The following ZFR2 variants were observed in gnomAD, a reference collection of about 807,000 sequenced individuals.
The protein encoded by ZFR2 is zinc finger RNA-binding protein 2.
A neutral mutation model predicts 105.7 loss-of-function variants in ZFR2; 104 were observed. The observed-to-expected ratio is 0.98, with a 90% CI of 0.84 to 1.16. The LOEUF (loss-of-function observed/expected upper bound fraction) is 1.16, where lower values mean the gene tolerates loss of function less well. Ranked by LOEUF, ZFR2 falls within the 50% of genes most tolerant of loss-of-function variation. The pLI, the probability that ZFR2 is intolerant of heterozygous loss-of-function variation, is 0.00. For missense variants in ZFR2, 1,425 were observed against 1,355.5 expected (o/e 1.05, Z -0.80); for synonymous variants, 634 against 597.7 (o/e 1.06, Z -0.89).
intron 1 of ZFR2, among the ~76,000 whole-genome samples, chr19:3,846,999 C>A (rs904802531): frequency 1.3e-5 from 2 of 152,234 alleles, no homozygotes; most frequent in African/African-American, 2.4e-5. Context: ...CAGCGGCGGG[C>A]AGCAGGATCT....
intron 1 of ZFR2, among the ~76,000 whole-genome samples, chr19:3,848,388 G>A (rs1387280823): frequency 6.6e-6 from 1 of 151,896 alleles, no homozygotes; most frequent in Non-Finnish European, 1.5e-5. Context: ...CTCCAGGCTG[G>A]GCAATAAGAG....
At chr19:3,845,500 A>C (rs1405039876) in intron 1 of ZFR2, among the ~76,000 whole-genome samples, 3 of 150,780 alleles carry the variant, frequency 2.0e-5, no homozygotes, top group African/African-American at 7.3e-5. Flanking sequence ...AAAAAGGTAA[A>C]ACTGCAACAT....
intron 3 of ZFR2, among the ~76,000 whole-genome samples, chr19:3,832,802 A>AT (rs2038033349): frequency 1.3e-5 from 2 of 151,042 alleles, no homozygotes; most frequent in South Asian, 2.1e-4. Context: ...TGCCTGGCTA[A>AT]TTTTTTTGCA....
chr19:3,849,734 C>T (rs2038216907), intron 1 of ZFR2, among the ~76,000 whole-genome samples: 1 of 152,200 alleles, frequency 6.6e-6, no homozygotes. Flanking sequence ...TGAGTCAGCA[C>T]CATGAAGACA....
chr19:3,825,482 GC>G, intron 6 of ZFR2, 75 bp from the exon 7 acceptor site: 1 of 1,502,072 alleles, frequency 6.7e-7, no homozygotes. Flanking sequence ...GGCAGGAAGG[GC>G]CTCCACGGGC....
intron 1 of ZFR2, chr19:3,852,258 T>G: frequency 2.9e-5 from 16 of 555,208 alleles, no homozygotes; most frequent in East Asian, 6.2e-5. Context: ...CCTGGCCAGA[T>G]GGGGCTCAGC....
intron 6 of ZFR2, 149 bp downstream of exon 6, chr19:3,827,322 G>A: frequency 1.2e-6 from 1 of 838,410 alleles, no homozygotes. Context: ...GGACGCATGG[G>A]CCTGGGCGGC....
intron 1 of ZFR2, among the ~76,000 whole-genome samples, chr19:3,835,430 A>G (rs1300250897): frequency 6.6e-6 from 1 of 151,168 alleles, no homozygotes; most frequent in Admixed American, 6.6e-5. Flanking sequence ...GGTTCAAGCA[A>G]TTCTCCTGCC....
intron 1 of ZFR2, among the ~76,000 whole-genome samples, chr19:3,837,661 G>T (rs929675142): frequency 6.6e-6 from 1 of 151,912 alleles, no homozygotes; most frequent in Non-Finnish European, 1.5e-5. Flanking sequence ...TGAACACCAT[G>T]ACCGTGACAC....
intron 6 of ZFR2, 54 bp from the exon 7 acceptor site, chr19:3,825,461 CT>C: frequency 2.6e-6 from 4 of 1,516,640 alleles, no homozygotes; most frequent in South Asian, 2.5e-5. Context: ...GCCTGATGGC[CT>C]TTTTCAAGAG....
At chr19:3,852,249 CTGG>C (rs2038246765) in intron 1 of ZFR2, 8 of 573,924 alleles carry the variant, frequency 1.4e-5, no homozygotes, top group Non-Finnish European at 2.2e-5. Context: ...GATGGCTCTC[CTGG>C]CCAGATGGGG....
Position 3,816,688 on chromosome 19 carries a change from G to A in ZFR2, c.2089C>T (p.Pro697Ser). 6.2e-7 allele frequency: 1 copy of A among 1,608,818 alleles called. No homozygotes were observed. Among genetic ancestry groups the A allele is most frequent in the South Asian group, 1.1e-5 (1 of 90,948 alleles). The change falls in exon 13 of 19, where the codon CCC becomes TCC. Residue 697 changes from proline (P) to serine (S), a missense_variant. Coordinates refer to ENST00000262961, the MANE Select transcript of ZFR2 (RefSeq NM_015174.2). ...SLLRRIAQQLPRQLQMVTEDE... is the reference protein window; with the variant it reads ...SLLRRIAQQLSRQLQMVTEDE... ...CCTGACCTTACCTGGAGCTGCCGGG[G>A]CAGCTGCTGGGCGATCCTCCGCAGC...
At chr19:3,814,028 G>T in intron 13 of ZFR2, 70 bp from the exon 14 acceptor site, 1 of 1,585,816 alleles carries the variant, frequency 6.3e-7, no homozygotes. Context: ...CAGCCAGGAT[G>T]TGGTTGGTGT....
intron 1 of ZFR2, among the ~76,000 whole-genome samples, chr19:3,840,958 C>T (rs931268929): frequency 1.3e-5 from 2 of 152,292 alleles, no homozygotes; most frequent in Non-Finnish European, 1.5e-5. Flanking sequence ...ATCTAGGTCA[C>T]GCCGGTCACT....
In ZFR2 at chr19:3,820,173, T is replaced by C; in HGVS notation, c.1740+9A>G. The C allele has an allele frequency of 6.4e-7, 1 of 1,551,358 alleles. No individual in the cohort carries two copies. Among genetic ancestry groups the C allele is most frequent in the South Asian group, 1.2e-5 (1 of 84,098 alleles). ...GCCCGCGTTTGCACACAGAGGAAACTGTACCTACCTGGAGTGGGGCGCTGG... is the reference window on the plus strand; with the variant it reads ...GCCCGCGTTTGCACACAGAGGAAACCGTACCTACCTGGAGTGGGGCGCTGG... On this transcript the variant is annotated intron_variant, in intron 11 of 18. Transcript: ENST00000262961.
At chr19:3,808,711 C>T (rs2037729685) in intron 17 of ZFR2, among the ~76,000 whole-genome samples, 161 bp downstream of exon 17, 1 of 152,250 alleles carries the variant, frequency 6.6e-6, no homozygotes, top group Non-Finnish European at 1.5e-5. Flanking sequence ...GCGGCCCTGT[C>T]TGCCTTCCTG....
At chr19:3,865,670 TTA>T (rs2038419718) in intron 1 of ZFR2, among the ~76,000 whole-genome samples, 1 of 152,138 alleles carries the variant, frequency 6.6e-6, no homozygotes, top group African/African-American at 2.4e-5. Context: ...GTTATCAATT[TTA>T]TAAGCTAAGA....
chr19:3,867,307 G>GGGC (rs947847380), intron 1 of ZFR2, among the ~76,000 whole-genome samples: 4 of 151,616 alleles, frequency 2.6e-5, no homozygotes, highest in Non-Finnish European at 5.9e-5. Context: ...CAACTGTTGG[G>GGGC]GGGGGAATCT....
rs775096921 is a variant in ZFR2 at position 3,831,307 on chromosome 19, G to A, written c.848C>T (p.Pro283Leu). Residue 283 changes from proline to leucine, a missense_variant, in exon 5 of 19, where the codon CCC becomes CTC. Physicochemically the swap from Pro to Leu is moderately conservative, Grantham distance 98. Coordinates refer to ENST00000262961, the MANE Select transcript of ZFR2 (RefSeq NM_015174.2). ...CDICKISCAGPQTYREHLGGQ... is the reference protein window; with the variant it reads ...CDICKISCAGLQTYREHLGGQ... The stretch of plus-strand genomic sequence containing the variant: ...CATGGCAGGAGGGCGACTGACCTGG[G>A]GGCCAGCGCAGCTGATCTTGCAGAT... The A allele has an allele frequency of 1.3e-6, 2 of 1,531,834 alleles. No homozygotes were observed. The highest frequency in any genetic ancestry group is 2.4e-5 in the East Asian group (1 of 41,542). The allele number at this position is 1,531,834 out of a possible 1,614,324, so 94.9% of individuals were successfully genotyped here.
Sources: gnomAD v4.1 joint callset for allele counts (sites outside exome capture counted in the v4.1 genomes callset) on GRCh38, gnomAD v4.1.1 for gene constraint, MANE v1.5 for transcripts, NCBI Gene and HGNC (gene_info 2026-07-23, HGNC 2026-07-21) for gene names.